Variants in PCDHGA4 observed in about 807,000 individuals in gnomAD.
PCDHGA4 encodes the protein protocadherin gamma subfamily A, 4.
In PCDHGA4, 38 loss-of-function variants were observed where a neutral mutation model predicts 54.6. The observed-to-expected ratio is 0.70, with a 90% confidence interval of 0.54 to 0.91. PCDHGA4 has a LOEUF of 0.91. Among genes scored for constraint, PCDHGA4 ranks in the 40% least tolerant of loss-of-function variants. The pLI, the probability that PCDHGA4 is intolerant of heterozygous loss-of-function variation, is 0.00. For synonymous variants in PCDHGA4, 511 were observed against 512.9 expected (o/e 1.00, Z 0.05); for missense variants, 1,298 against 1,220.9 (o/e 1.06, Z -0.94).
chr5:141,422,715 T>C, intron 1 of PCDHGA4: 7 of 1,603,978 alleles, frequency 4.4e-6, no homozygotes, highest in African/African-American at 1.3e-5. Context: ...CGGATGACAC[T>C]GTCCAGGGGG....
intron 1 of PCDHGA4, among the ~76,000 whole-genome samples, chr5:141,467,772 C>A (rs972304213): frequency 1.3e-5 from 2 of 151,686 alleles, no homozygotes; most frequent in Admixed American, 6.6e-5. Flanking sequence ...AGTGCCCGCA[C>A]CTCAGCCTCT....
At chr5:141,448,580 TTACAAAAAGATAAAA>T (rs1484851220) in intron 1 of PCDHGA4, among the ~76,000 whole-genome samples, 1 of 152,180 alleles carries the variant, frequency 6.6e-6, no homozygotes, top group Non-Finnish European at 1.5e-5. Context: ...CCCATTTTTT[TTACAAAAAGATAAAA>T]TACTATACAC....
Position 141,487,591 on chromosome 5 carries a change from C to G in PCDHGA4, c.2515-7216C>G, listed in dbSNP as rs2099653282. The G allele has an allele frequency of 1.2e-6, 2 of 1,614,176 alleles. No individual in the cohort carries two copies. The highest frequency in any genetic ancestry group is 1.7e-6 in the Non-Finnish European group (2 of 1,180,036). ...AGCCTGTTCGCCCAAGCTGCCCACC[C>G]TCTGATCTTCTCTATGGGCTAGAGG... is the stretch of plus-strand genomic sequence containing the variant. On this transcript the variant is annotated intron_variant, in intron 1 of 3. Coordinates refer to ENST00000571252, the MANE Select transcript of PCDHGA4 (RefSeq NM_018917.4). The surrounding 1 kb of genome is among the most constrained non-coding windows in gnomAD (Gnocchi z 5.0).
chr5:141,376,977 G>T (rs529935042), intron 1 of PCDHGA4: 1 of 157,454 alleles, frequency 6.4e-6, no homozygotes, highest in Admixed American at 6.2e-5. Flanking sequence ...GTGAGCCACC[G>T]CGCCCGGCCG....
rs1561508554 is a variant in PCDHGA4, at chr5:141,355,365, G to A, written c.258G>A (p.Ala86=). The A allele has an allele frequency of 3.1e-6, 5 of 1,614,040 alleles. No homozygotes were observed. The South Asian group carries it at 4.4e-5, about 14-fold the overall frequency. Residue 86 remains alanine (A), a synonymous_variant, in exon 1 of 4, where the codon GCG becomes GCA. Coordinates refer to ENST00000571252, the MANE Select transcript of PCDHGA4 (RefSeq NM_018917.4). ...ACATCGCCAAGGACCTGGGGTTGGC[G>A]CCCCGGGAGCTGGCGGAGCGCGGAG... ...VGNIAKDLGL[A]PRELAERGVR...
rs565524310 is a variant in PCDHGA4, at chr5:141,375,830, G to A, written c.2514+18209G>A. The stretch of plus-strand genomic sequence containing the variant: ...CGTGGAGCTGGCGCCCCGCTCCGCA[G>A]AGCCCGGCTACCTGGTGACCAAGGT... On this transcript the variant is annotated intron_variant, in intron 1 of 3. Transcript: ENST00000571252. 6.8e-6 allele frequency: 11 copies of A among 1,614,152 alleles called. No homozygotes were observed. In the East Asian group the frequency reaches 2.2e-4, roughly 33 times the overall value.
At chr5:141,389,514 G>C (rs1030106901) in intron 1 of PCDHGA4, 2 of 1,613,132 alleles carry the variant, frequency 1.2e-6, no homozygotes, top group Non-Finnish European at 1.7e-6. Flanking sequence ...CAGCGCGAAC[G>C]TGAGCCTGCG....
At chr5:141,393,664 T>G in intron 1 of PCDHGA4, 1 of 1,613,772 alleles carries the variant, frequency 6.2e-7, no homozygotes, top group Non-Finnish European at 8.5e-7. Flanking sequence ...TTCCGGAAAA[T>G]TAATGAAAAA....
At chr5:141,389,866 T>G (rs1332106674) in intron 1 of PCDHGA4, 1 of 1,614,082 alleles carries the variant, frequency 6.2e-7, no homozygotes, top group African/African-American at 1.3e-5. Context: ...TTGCACCTGG[T>G]CTTCGCCGAC....
At chr5:141,500,699 A>G (rs780869966) in intron 2 of PCDHGA4, among the ~76,000 whole-genome samples, 1 of 152,156 alleles carries the variant, frequency 6.6e-6, no homozygotes, top group Non-Finnish European at 1.5e-5. Context: ...TCTTCTTTGC[A>G]GTGTATCATG....
intron 1 of PCDHGA4, among the ~76,000 whole-genome samples, chr5:141,455,997 A>C (rs1373055623): frequency 1.3e-5 from 2 of 151,626 alleles, no homozygotes. Context: ...TCTCGGGTTC[A>C]TGCCATTCTC....
intron 1 of PCDHGA4, chr5:141,392,651 C>A: frequency 1.4e-6 from 1 of 708,948 alleles, no homozygotes; most frequent in Non-Finnish European, 2.2e-6. Context: ...CGAAGACCCG[C>A]AGATGCCACA....
intron 1 of PCDHGA4, chr5:141,360,561 T>A: frequency 6.2e-7 from 1 of 1,613,992 alleles, no homozygotes; most frequent in South Asian, 1.1e-5. Context: ...ATTTAAAAAT[T>A]GGCGAATCCA....
intron 1 of PCDHGA4, among the ~76,000 whole-genome samples, chr5:141,444,357 G>C (rs1258703336): frequency 3.3e-5 from 5 of 151,798 alleles, no homozygotes; most frequent in African/African-American, 9.7e-5. Flanking sequence ...TTTTAGTAGA[G>C]ACGGGGTTTC....
At position 141,389,685 on chromosome 5, in the gene PCDHGA4, TG is replaced by T. The variant is rs1303219922; in HGVS notation, c.2514+32066del. 1.8e-5 allele frequency: 29 copies of T among 1,612,354 alleles called. No homozygotes were observed. In the East Asian group the frequency reaches 6.2e-4, roughly 35 times the overall value. On this transcript the variant is annotated intron_variant, in intron 1 of 3. Coordinates refer to ENST00000571252, the MANE Select transcript of PCDHGA4 (RefSeq NM_018917.4). ...GGACGCAGACTCAGGACACAACGCC[TG>T]GCTGTCCTACCACGTGCTGCAGGCT...
intron 1 of PCDHGA4, chr5:141,403,607 G>T: frequency 6.2e-7 from 1 of 1,613,858 alleles, no homozygotes; most frequent in Non-Finnish European, 8.5e-7. Flanking sequence ...GGATGGCGGC[G>T]AGCCGCGTCG....
chr5:141,476,036 A>G lies in PCDHGA4; in HGVS notation c.2515-18771A>G. The G allele has an allele frequency of 1.4e-6, 2 of 1,471,164 alleles. No individual in the cohort carries two copies. Among genetic ancestry groups the G allele is most frequent in the Non-Finnish European group, 1.8e-6 (2 of 1,106,602 alleles). 91.1% of individuals were successfully genotyped at this position (1,471,164 alleles called of 1,614,324 possible). ...ATGTCGGACTCGGCGCCCAGCGCCCAAGCGCTAACCCGCTGAAAGTTTCTC... is the reference window on the plus strand; with the variant it reads ...ATGTCGGACTCGGCGCCCAGCGCCCGAGCGCTAACCCGCTGAAAGTTTCTC... On this transcript the variant is annotated intron_variant, in intron 1 of 3. Transcript: ENST00000571252. The surrounding 1 kb of genome is among the most constrained non-coding windows in gnomAD (Gnocchi z 7.6).
rs1760008721 is a variant in PCDHGA4 at position 141,355,838 on chromosome 5, C to CGGCCT, written c.732_736dup (p.Phe246TrpfsTer18). On this transcript the variant is annotated frameshift_variant, in exon 1 of 4. Transcript: ENST00000571252. LOFTEE classifies it high-confidence loss of function. ...GAGGCGGTTCACCACCTCGTTCTCA[C>CGGCCT]GGCCTTCGATGGAGGTGACCCGGTT... is the stretch of plus-strand genomic sequence containing the variant. 2.5e-6 allele frequency: 4 copies of CGGCCT among 1,611,996 alleles called. No individual in the cohort carries two copies. In the South Asian group the frequency reaches 4.4e-5, roughly 18 times the overall value.
At chr5:141,394,884 C>T (rs2093119839) in intron 1 of PCDHGA4, 2 of 1,613,902 alleles carry the variant, frequency 1.2e-6, no homozygotes, top group Non-Finnish European at 1.7e-6. Flanking sequence ...GAGCCTTACA[C>T]TCTATCTCGT....
Sources: gnomAD v4.1 joint callset for allele counts (sites outside exome capture counted in the v4.1 genomes callset) on GRCh38, gnomAD v4.1.1 for gene constraint, Gnocchi (gnomAD v3.1) non-coding constraint, MANE v1.5 for transcripts, NCBI Gene and HGNC (gene_info 2026-07-23, HGNC 2026-07-21) for gene names.